The following TSPAN18 variants were observed in gnomAD, a reference collection of about 807,000 sequenced individuals.
TSPAN18 encodes the protein tetraspanin 18, also known as tetraspanin-18.
In TSPAN18, 14 loss-of-function variants were observed where a neutral mutation model predicts 27.3. That is an observed-to-expected ratio of 0.51 (90% CI 0.34 to 0.80). The LOEUF (loss-of-function observed/expected upper bound fraction) is 0.80, where lower values mean the gene tolerates loss of function less well. Among genes scored for constraint, TSPAN18 ranks in the 30% least tolerant of loss-of-function variants. The pLI is 0.01. For missense variants in TSPAN18, 268 were observed against 323.9 expected (o/e 0.83, Z 1.32); for synonymous variants, 143 against 136.5 (o/e 1.05, Z -0.33).
intron 2 of TSPAN18, among the ~76,000 whole-genome samples, chr11:44,855,946 G>T (rs1431622569): frequency 6.7e-6 from 1 of 150,296 alleles, no homozygotes; most frequent in Non-Finnish European, 1.5e-5. Context: ...GCAGTGGTGT[G>T]ATCTCGGCTC....
intron 2 of TSPAN18, among the ~76,000 whole-genome samples, chr11:44,770,283 G>A (rs73450620): frequency 0.037 from 5,622 of 152,270 alleles, 112 homozygotes; most frequent in Middle Eastern, 0.051. Flanking sequence ...GACTCGGGTG[G>A]TGGGTTGGGG....
intron 2 of TSPAN18, among the ~76,000 whole-genome samples, chr11:44,798,899 C>T (rs1375011774): frequency 2.0e-5 from 3 of 152,120 alleles, no homozygotes; most frequent in Non-Finnish European, 4.4e-5. Context: ...CTTCCAAGTC[C>T]TTCTTTATTG....
intron 1 of TSPAN18, among the ~76,000 whole-genome samples, chr11:44,743,579 A>G (rs139923062): frequency 6.6e-6 from 1 of 152,310 alleles, no homozygotes; most frequent in Non-Finnish European, 1.5e-5. Flanking sequence ...AGTCCTCGGA[A>G]GTTTGAGGCC....
At chr11:44,795,541 C>T (rs572391554) in intron 2 of TSPAN18, among the ~76,000 whole-genome samples, 1 of 152,248 alleles carries the variant, frequency 6.6e-6, no homozygotes, top group Admixed American at 6.5e-5. Context: ...ATAGTCCAAG[C>T]GAGTTCTGGC....
intron 2 of TSPAN18, among the ~76,000 whole-genome samples, chr11:44,826,020 T>C (rs1857034047): frequency 6.6e-6 from 1 of 152,176 alleles, no homozygotes; most frequent in Non-Finnish European, 1.5e-5. Flanking sequence ...GGATAAGATC[T>C]ACCTTACAAG....
chr11:44,893,513 C>A (rs1239452030), intron 3 of TSPAN18, among the ~76,000 whole-genome samples: 2 of 152,344 alleles, frequency 1.3e-5, no homozygotes, highest in South Asian at 4.1e-4. Context: ...AGCCAGTGAG[C>A]AAATAAGTCC....
intron 2 of TSPAN18, among the ~76,000 whole-genome samples, chr11:44,792,831 G>A (rs1000834552): frequency 6.6e-6 from 1 of 152,210 alleles, no homozygotes. Flanking sequence ...GGGAGAGAGT[G>A]TGGCTTGTGG....
intron 9 of TSPAN18, among the ~76,000 whole-genome samples, 167 bp downstream of exon 9, chr11:44,926,924 A>G (rs1860382034): frequency 6.6e-6 from 1 of 152,124 alleles, no homozygotes; most frequent in Non-Finnish European, 1.5e-5. Context: ...GTGCTGCCTG[A>G]GAGTCATTCT....
chr11:44,736,128 C>G (rs184391423), intron 1 of TSPAN18: 1 of 152,200 alleles, frequency 6.6e-6, no homozygotes, highest in Non-Finnish European at 1.5e-5. Flanking sequence ...AAATTACTCT[C>G]TATACATTTC....
At chr11:44,916,551 C>T (rs1311940091) in intron 5 of TSPAN18, among the ~76,000 whole-genome samples, 3 of 152,122 alleles carry the variant, frequency 2.0e-5, no homozygotes, top group African/African-American at 7.2e-5. Context: ...TCGTGATTCC[C>T]CACGGGGAAT....
chr11:44,728,120 G>C (rs919451023), intron 1 of TSPAN18, among the ~76,000 whole-genome samples: 4 of 152,136 alleles, frequency 2.6e-5, no homozygotes, highest in Non-Finnish European at 5.9e-5. Context: ...CAACTTACGC[G>C]GGGTCCCGCC....
intron 1 of TSPAN18, among the ~76,000 whole-genome samples, chr11:44,736,953 G>A (rs1045351251): frequency 6.6e-6 from 1 of 152,218 alleles, no homozygotes; most frequent in Non-Finnish European, 1.5e-5. Context: ...TTTGTCATCT[G>A]TTTTCCTCCA....
At chr11:44,745,756 G>A (rs1475538497) in intron 1 of TSPAN18, among the ~76,000 whole-genome samples, 2 of 152,184 alleles carry the variant, frequency 1.3e-5, no homozygotes, top group South Asian at 2.1e-4. Flanking sequence ...GGCTGGGCGC[G>A]GTGGCTCACG....
chr11:44,922,308 G>A lies in TSPAN18; in HGVS notation c.615+2309G>A, dbSNP rs375563601. Among the ~76,000 whole-genome samples the A allele has an allele frequency of 2.5e-4, 38 of 152,210 alleles. No homozygotes were observed. In the South Asian group the frequency reaches 4.4e-3, roughly 17 times the overall value. On this transcript the variant is annotated intron_variant, in intron 8 of 9. Coordinates refer to ENST00000520358, the MANE Select transcript of TSPAN18 (RefSeq NM_130783.5). ...ATTTTTGTATTTTTTGGTAGAGACCGGCATTTCACCATGTTGTCCAGGCTG... is the reference window on the plus strand; with the variant it reads ...ATTTTTGTATTTTTTGGTAGAGACCAGCATTTCACCATGTTGTCCAGGCTG...
At chr11:44,754,338 T>C (rs796818604) in intron 1 of TSPAN18, among the ~76,000 whole-genome samples, 2 of 152,328 alleles carry the variant, frequency 1.3e-5, no homozygotes, top group East Asian at 3.9e-4. Context: ...AACATCTCTA[T>C]TACTGGCGTG....
intron 2 of TSPAN18, among the ~76,000 whole-genome samples, chr11:44,770,905 G>A (rs1336184956): frequency 6.6e-6 from 1 of 152,150 alleles, no homozygotes; most frequent in Non-Finnish European, 1.5e-5. Context: ...AAGAGCCTAG[G>A]GTGGGTTCTG....
chr11:44,809,991 T>C (rs1476178433), intron 2 of TSPAN18, among the ~76,000 whole-genome samples: 2 of 152,200 alleles, frequency 1.3e-5, no homozygotes, highest in Non-Finnish European at 2.9e-5. Context: ...CCATAGGTCA[T>C]AGGGTTAGGA....
intron 2 of TSPAN18, among the ~76,000 whole-genome samples, chr11:44,793,812 C>G (rs1420098835): frequency 6.6e-6 from 1 of 152,366 alleles, no homozygotes; most frequent in East Asian, 1.9e-4. Context: ...CATTTGACAA[C>G]TGCCCATGAG....
chr11:44,731,471 C>A (rs918617465), intron 1 of TSPAN18, among the ~76,000 whole-genome samples: 13 of 152,154 alleles, frequency 8.5e-5, no homozygotes, highest in African/African-American at 2.9e-4. Flanking sequence ...TAGCATAATG[C>A]CTGGCATATA....
Sources: allele counts gnomAD v4.1 joint callset (sites outside exome capture counted in the v4.1 genomes callset), GRCh38; gene constraint gnomAD v4.1.1; transcripts MANE v1.5; gene names NCBI Gene and HGNC (gene_info 2026-07-23, HGNC 2026-07-21).